ANTKMT: variants seen among roughly 807,000 people sequenced by gnomAD.
ANTKMT encodes the protein adenine nucleotide translocase lysine methyltransferase.
A neutral mutation model predicts 20.7 loss-of-function variants in ANTKMT; 24 were observed. The ratio of observed to expected loss-of-function variants is 1.16; its 90% CI spans 0.84 to 1.63. The LOEUF (loss-of-function observed/expected upper bound fraction) is 1.63, where lower values mean the gene tolerates loss of function less well. Among genes scored for constraint, ANTKMT ranks in the 40% most tolerant of loss-of-function variants. The pLI is 0.00. For synonymous variants in ANTKMT, 193 were observed against 161.2 expected (o/e 1.20, Z -1.49); for missense variants, 428 against 334.8 (o/e 1.28, Z -2.17).
rs756183634 is a variant in ANTKMT, at chr16:722,497, G to C, written c.648G>C (p.Gln216His). 6.2e-7 allele frequency: 1 copy of C among 1,612,284 alleles called. No individual in the cohort carries two copies. Among genetic ancestry groups the C allele is most frequent in the East Asian group, 2.2e-5 (1 of 44,888 alleles). Residue 216 changes from glutamine to histidine, a missense_variant, in exon 5 of 5, where the codon CAG becomes CAC. Coordinates refer to ENST00000569529, the MANE Select transcript of ANTKMT (RefSeq NM_023933.3). ...CCGCCTCCTCGCGGATACCCATCCA[G>C]GCTGCCCCCGGACCTAGTTCTGCCC... Reference protein sequence around the residue: ...GEAASSRIPIQAAPGPSSAPI... With the variant: ...GEAASSRIPIHAAPGPSSAPI...
Position 721,700 on chromosome 16 carries a change from A to T in ANTKMT, c.265A>T (p.Ile89Phe), listed in dbSNP as rs565493087. The change falls in exon 2 of 5, where the codon ATC (isoleucine) becomes TTC (phenylalanine). Residue 89 changes from isoleucine (I) to phenylalanine (F), a missense_variant and splice_region_variant. Ile to Phe is a conservative substitution (Grantham distance 21). Coordinates refer to ENST00000569529, the MANE Select transcript of ANTKMT (RefSeq NM_023933.3). ...TVDLGSGDGR[I>F]VLAAHRCGLR... Reference sequence around the variant, plus strand: ...GGATCTGGGCTCTGGCGACGGCAGGATCGTAAGTGCCTGCGTCTGGGTCTT... The same window carrying T: ...GGATCTGGGCTCTGGCGACGGCAGGTTCGTAAGTGCCTGCGTCTGGGTCTT... 2 of 1,549,092 alleles carry T rather than the reference A, an allele frequency of 1.3e-6. No homozygotes were observed. Among genetic ancestry groups the T allele is most frequent in the East Asian group, 2.5e-5 (1 of 40,732 alleles).
rs374223722 is a variant in ANTKMT at position 722,474 on chromosome 16, G to A, written c.625G>A (p.Ala209Thr). 152 of 1,612,008 alleles carry A rather than the reference G, an allele frequency of 9.4e-5. No homozygotes were observed. In the South Asian group the frequency reaches 1.3e-3, roughly 14 times the overall value. Reference sequence around the variant, plus strand: ...TGAGGGTGGGCAGGCTGGGGAGGCCGCCTCCTCGCGGATACCCATCCAGGC... The same window carrying A: ...TGAGGGTGGGCAGGCTGGGGAGGCCACCTCCTCGCGGATACCCATCCAGGC... Reference protein sequence around the residue: ...VPEGGQAGEAASSRIPIQAAP... With the variant: ...VPEGGQAGEATSSRIPIQAAP... The change falls in exon 5 of 5, where the codon GCC becomes ACC. Residue 209 changes from alanine (A) to threonine (T), a missense_variant. By Grantham distance (58) the Ala-to-Thr change is moderately conservative (BLOSUM62 0). Coordinates refer to ENST00000569529, the MANE Select transcript of ANTKMT (RefSeq NM_023933.3).
In ANTKMT at chr16:722,500, T is replaced by G. The variant is rs1262127982; in HGVS notation, c.651T>G (p.Ala217=). The G allele has an allele frequency of 2.5e-6, 4 of 1,612,332 alleles. No homozygotes were observed. The highest frequency in any genetic ancestry group is 1.1e-5 in the South Asian group (1 of 91,042). ...CCTCCTCGCGGATACCCATCCAGGC[T>G]GCCCCCGGACCTAGTTCTGCCCCCA... is the stretch of plus-strand genomic sequence containing the variant. ...EAASSRIPIQ[A]APGPSSAPIP... Residue 217 remains alanine, a synonymous_variant, in exon 5 of 5, where the codon GCT becomes GCG. Coordinates refer to ENST00000569529, the MANE Select transcript of ANTKMT (RefSeq NM_023933.3).
In ANTKMT at chr16:721,706, AG is replaced by A. The variant is rs1207870468; in HGVS notation, c.267+5del. 20 of 1,548,538 alleles carry A rather than the reference AG, an allele frequency of 1.3e-5. 1 individual carries two copies. In the Middle Eastern group the frequency reaches 2.3e-3, roughly 175 times the overall value. ...GGGCTCTGGCGACGGCAGGATCGTAAGTGCCTGCGTCTGGGTCTTCGCCGCC... is the reference window on the plus strand; with the variant it reads ...GGGCTCTGGCGACGGCAGGATCGTAATGCCTGCGTCTGGGTCTTCGCCGCC... On this transcript the variant is annotated splice_donor_5th_base_variant and intron_variant, in intron 2 of 4. Transcript: ENST00000569529.
In ANTKMT at chr16:722,127, C is replaced by G. The variant is rs751647833; in HGVS notation, c.452C>G (p.Pro151Arg). ...CGCAACGTGTCTGTGTTCCTGGCCC[C>G]TAGCGTGGTAGGTGCGGGGTTGCCA... ...DCRNVSVFLA[P>R]SVLPLLEDKL... Residue 151 changes from proline (P) to arginine (R), a missense_variant, in exon 4 of 5, where the codon CCT (proline) becomes CGT (arginine). Transcript: ENST00000569529. 6 of 1,608,902 alleles carry G rather than the reference C, an allele frequency of 3.7e-6. No homozygotes were observed. The East Asian group carries it at 1.3e-4, about 36-fold the overall frequency.
At chr16:722,000 G>T in intron 3 of ANTKMT, 59 bp downstream of exon 3, 1 of 1,551,588 alleles carries the variant, frequency 6.4e-7, no homozygotes, top group East Asian at 2.3e-5. Context: ...ACACCTGCGA[G>T]GGCTGGGGGC....
At position 721,253 on chromosome 16, in the gene ANTKMT, A is replaced by G; in HGVS notation, c.-22A>G. On this transcript the variant is annotated 5_prime_UTR_variant, in exon 1 of 5. Coordinates refer to ENST00000569529, the MANE Select transcript of ANTKMT (RefSeq NM_023933.3). ...CCGAGCCGGGAAGGACCTTGGGCGG[A>G]CGAGCCGCGCGTCCCGCAGCCATGG... The G allele has an allele frequency of 7.9e-7, 1 of 1,263,080 alleles. No homozygotes were observed. Among genetic ancestry groups the G allele is most frequent in the South Asian group, 2.5e-5 (1 of 40,020 alleles). The allele number at this position is 1,263,080 out of a possible 1,614,324, so 78.2% of individuals were successfully genotyped here.
Position 722,358 on chromosome 16 carries a change from G to T in ANTKMT, c.509G>T (p.Arg170Leu), listed in dbSNP as rs539218688. ...CGGACAGAGCTGCCTGCTGGGGCCCGCGTGGTGTCTGGGCGCTTCCCACTC... is the reference window on the plus strand; with the variant it reads ...CGGACAGAGCTGCCTGCTGGGGCCCTCGTGGTGTCTGGGCGCTTCCCACTC... ...KLRTELPAGARVVSGRFPLPT... is the reference protein window; with the variant it reads ...KLRTELPAGALVVSGRFPLPT... Residue 170 changes from arginine (R) to leucine (L), a missense_variant, in exon 5 of 5, where the codon CGC becomes CTC. Transcript: ENST00000569529. 8 of 1,606,280 alleles carry T rather than the reference G, an allele frequency of 5.0e-6. No homozygotes were observed. In the Admixed American group the frequency reaches 6.8e-5, roughly 14 times the overall value.
rs1013860285 is a variant in ANTKMT, at chr16:721,536, T to C, written c.163-62T>C. The C allele has an allele frequency of 3.0e-5, 45 of 1,479,062 alleles. No individual in the cohort carries two copies. In the African/African-American group the frequency reaches 6.0e-4, roughly 20 times the overall value. 91.6% of individuals were successfully genotyped at this position (1,479,062 alleles called of 1,614,324 possible). On this transcript the variant is annotated intron_variant, in intron 1 of 4. Coordinates refer to ENST00000569529, the MANE Select transcript of ANTKMT (RefSeq NM_023933.3). ...TGAGCTCCGCCCCGCCGTGTGGTAG[T>C]TCGGGCCGGGCTGCGGGCGGGGCGG...
At chr16:722,062 G>T (rs2040247567) in intron 3 of ANTKMT, 22 bp from the exon 4 acceptor site, 5 of 1,595,450 alleles carry the variant, frequency 3.1e-6, no homozygotes, top group African/African-American at 1.3e-5. Context: ...CTCCCCGGCC[G>T]GGGCGACTTC....
intron 4 of ANTKMT, 65 bp downstream of exon 4, chr16:722,199 G>A: frequency 6.3e-7 from 1 of 1,590,300 alleles, no homozygotes; most frequent in Non-Finnish European, 8.5e-7. Flanking sequence ...TTGCTGCTCT[G>A]AGGCCTGGGC....
chr16:722,257 T>A lies in ANTKMT; in HGVS notation c.460-52T>A, dbSNP rs2040266269. On this transcript the variant is annotated intron_variant, in intron 4 of 4. Transcript: ENST00000569529. ...GGGGCTAGGGGGGTGAGCGCGGCTGTTTTCTACCGGCCCCGCCCCCGCCCC... is the reference window on the plus strand; with the variant it reads ...GGGGCTAGGGGGGTGAGCGCGGCTGATTTCTACCGGCCCCGCCCCCGCCCC... The A allele has an allele frequency of 3.1e-6, 5 of 1,589,020 alleles. No individual in the cohort carries two copies. In the Admixed American group the frequency reaches 8.8e-5, roughly 28 times the overall value.
In ANTKMT at chr16:721,622, C is replaced by T; in HGVS notation, c.187C>T (p.Arg63Trp). 2 of 1,545,422 alleles carry T rather than the reference C, an allele frequency of 1.3e-6. No individual in the cohort carries two copies. The highest frequency in any genetic ancestry group is 1.7e-6 in the Non-Finnish European group (2 of 1,145,930). Reference protein sequence around the residue: ...LQVPYVGASARQVEHVLSLLR... With the variant: ...LQVPYVGASAWQVEHVLSLLR... ...GGTGCCCTACGTCGGCGCGAGCGCG[C>T]GGCAGGTGGAGCACGTGTTGTCGCT... Residue 63 changes from arginine to tryptophan, a missense_variant, in exon 2 of 5, where the codon CGG becomes TGG. By Grantham distance (101) the Arg-to-Trp change is moderately radical. Coordinates refer to ENST00000569529, the MANE Select transcript of ANTKMT (RefSeq NM_023933.3).
At position 721,885 on chromosome 16, in the gene ANTKMT, G is replaced by T; in HGVS notation, c.352G>T (p.Ala118Ser). Residue 118 changes from alanine (A) to serine (S), a missense_variant, in exon 3 of 5, where the codon GCC becomes TCC. By Grantham distance (99) the Ala-to-Ser change is moderately conservative. Coordinates refer to ENST00000569529, the MANE Select transcript of ANTKMT (RefSeq NM_023933.3). The part of the protein sequence containing the change: ...PWLVALARLH[A>S]WRAGCAGSVC... Reference sequence around the variant, plus strand: ...GCTGGTGGCGCTGGCGCGGCTGCACGCCTGGAGGGCCGGCTGTGCCGGCAG... The same window carrying T: ...GCTGGTGGCGCTGGCGCGGCTGCACTCCTGGAGGGCCGGCTGTGCCGGCAG... The T allele has an allele frequency of 1.3e-6, 2 of 1,570,098 alleles. No homozygotes were observed. The highest frequency in any genetic ancestry group is 1.7e-6 in the Non-Finnish European group (2 of 1,165,938).
At position 722,294 on chromosome 16, in the gene ANTKMT, T is replaced by C. The variant is rs1173905774; in HGVS notation, c.460-15T>C. On this transcript the variant is annotated splice_polypyrimidine_tract_variant and intron_variant, in intron 4 of 4. Coordinates refer to ENST00000569529, the MANE Select transcript of ANTKMT (RefSeq NM_023933.3). The stretch of plus-strand genomic sequence containing the variant: ...CCCGCCCCCGCCCCCTCTACTCTGC[T>C]GTTCTCTCCCTCAGCTCCCGCTGCT... The C allele has an allele frequency of 3.7e-6, 6 of 1,602,190 alleles. No individual in the cohort carries two copies. The highest frequency in any genetic ancestry group is 1.1e-5 in the South Asian group (1 of 89,954).
At position 722,103 on chromosome 16, in the gene ANTKMT, G is replaced by T. The variant is rs1300492922; in HGVS notation, c.428G>T (p.Arg143Leu). 1 of 1,608,440 alleles carries T rather than the reference G, an allele frequency of 6.2e-7. No individual in the cohort carries two copies. Among genetic ancestry groups the T allele is most frequent in the South Asian group, 1.1e-5 (1 of 90,300 alleles). Reference sequence around the variant, plus strand: ...CGGCAGGTGAGCCTGAGGGACTGCCGCAACGTGTCTGTGTTCCTGGCCCCT... The same window carrying T: ...CGGCAGGTGAGCCTGAGGGACTGCCTCAACGTGTCTGTGTTCCTGGCCCCT... The part of the protein sequence containing the change: ...DLWKVSLRDC[R>L]NVSVFLAPSV... The change falls in exon 4 of 5, where the codon CGC becomes CTC. Residue 143 changes from arginine (R) to leucine (L), a missense_variant. Arg to Leu is a moderately radical substitution (Grantham distance 102). Coordinates refer to ENST00000569529, the MANE Select transcript of ANTKMT (RefSeq NM_023933.3).
At position 722,140 on chromosome 16, in the gene ANTKMT, T is replaced by C; in HGVS notation, c.459+6T>C. The C allele has an allele frequency of 6.2e-7, 1 of 1,606,262 alleles. No homozygotes were observed. The highest frequency in any genetic ancestry group is 1.7e-5 in the Admixed American group (1 of 59,270). Reference sequence around the variant, plus strand: ...TGTTCCTGGCCCCTAGCGTGGTAGGTGCGGGGTTGCCAGCCCCGCTGGGAA... The same window carrying C: ...TGTTCCTGGCCCCTAGCGTGGTAGGCGCGGGGTTGCCAGCCCCGCTGGGAA... On this transcript the variant is annotated splice_donor_region_variant and intron_variant, in intron 4 of 4. Coordinates refer to ENST00000569529, the MANE Select transcript of ANTKMT (RefSeq NM_023933.3).
Position 721,839 on chromosome 16 carries a change from G to C in ANTKMT, c.306G>C (p.Val102=). ...ACAGGTGCGGCCTCCGCCCGGCCGT[G>C]GGCTACGAGCTGAACCCCTGGCTGG... ...AAHRCGLRPA[V]GYELNPWLVA... Residue 102 remains valine (V), a synonymous_variant, in exon 3 of 5, where the codon GTG becomes GTC. Coordinates refer to ENST00000569529, the MANE Select transcript of ANTKMT (RefSeq NM_023933.3). 1.3e-6 allele frequency: 2 copies of C among 1,560,800 alleles called. No individual in the cohort carries two copies. Among genetic ancestry groups the C allele is most frequent in the Non-Finnish European group, 1.7e-6 (2 of 1,158,708 alleles).
At position 721,918 on chromosome 16, in the gene ANTKMT, T is replaced by C; in HGVS notation, c.385T>C (p.Tyr129His). 6.4e-7 allele frequency: 1 copy of C among 1,572,650 alleles called. No individual in the cohort carries two copies. The highest frequency in any genetic ancestry group is 8.6e-7 in the Non-Finnish European group (1 of 1,168,118). The change falls in exon 3 of 5, where the codon TAT becomes CAT. Residue 129 changes from tyrosine (Y) to histidine (H), a missense_variant. Transcript: ENST00000569529. ...GGCCGGCTGTGCCGGCAGCGTCTGC[T>C]ATCGCCGCAAGGATCTCTGGAAGGT... Reference protein sequence around the residue: ...WRAGCAGSVCYRRKDLWKVSL... With the variant: ...WRAGCAGSVCHRRKDLWKVSL...
Sources: gnomAD v4.1 joint callset for allele counts on GRCh38, gnomAD v4.1.1 for gene constraint, MANE v1.5 for transcripts, NCBI Gene and HGNC (gene_info 2026-07-23, HGNC 2026-07-21) for gene names.